The following ZYG11B variants were observed in gnomAD, a reference collection of about 807,000 sequenced individuals.
ZYG11B encodes zyg-11 family member B, cell cycle regulator, also known as protein zyg-11 homolog B.
Under a neutral mutation model 82.4 loss-of-function variants are expected in ZYG11B, and 36 were observed. The ratio of observed to expected loss-of-function variants is 0.44; its 90% CI spans 0.33 to 0.58. The LOEUF (loss-of-function observed/expected upper bound fraction) is 0.58, where lower values mean the gene tolerates loss of function less well. ZYG11B is among the 20% of genes least tolerant of loss of function. ZYG11B has a pLI of 0.02. For synonymous variants in ZYG11B, 303 were observed against 312.8 expected (o/e 0.97, Z 0.33); for missense variants, 552 against 895.6 (o/e 0.62, Z 4.90).
At chr1:52,819,222 C>G (rs1011912609) in intron 13 of ZYG11B, among the ~76,000 whole-genome samples, 1 of 152,162 alleles carries the variant, frequency 6.6e-6, no homozygotes, top group Non-Finnish European at 1.5e-5. Context: ...GAACTCCCAC[C>G]TGGAGGCTTA....
chr1:52,784,586 A>G (rs1429628651), intron 4 of ZYG11B, among the ~76,000 whole-genome samples: 2 of 152,344 alleles, frequency 1.3e-5, no homozygotes, highest in South Asian at 2.1e-4. Context: ...TGCCTTCCAT[A>G]TAACAGGCAC....
At chr1:52,810,302 C>T (rs756625405) in intron 10 of ZYG11B, among the ~76,000 whole-genome samples, 20 of 152,180 alleles carry the variant, frequency 1.3e-4, no homozygotes, top group Non-Finnish European at 2.6e-4. Flanking sequence ...TTTTCTCTAA[C>T]TCTTTAGATG....
At chr1:52,817,773 A>ATGTATG (rs1553264308) in intron 13 of ZYG11B, among the ~76,000 whole-genome samples, 1 of 37,740 alleles carries the variant, frequency 2.6e-5, no homozygotes, top group African/African-American at 9.5e-5. Flanking sequence ...GTGTATATAT[A>ATGTATG]TGTGTATATA....
At chr1:52,801,714 C>A in intron 8 of ZYG11B, 105 bp from the exon 9 acceptor site, 1 of 924,198 alleles carries the variant, frequency 1.1e-6, no homozygotes, top group Non-Finnish European at 1.6e-6. Flanking sequence ...ACAGGAAATG[C>A]TTTAAGCCAT....
Position 52,799,886 on chromosome 1 carries a change from A to G in ZYG11B, c.1486-1933A>G, listed in dbSNP as rs577447024. On this transcript the variant is annotated intron_variant, in intron 8 of 13. Coordinates refer to ENST00000294353, the MANE Select transcript of ZYG11B (RefSeq NM_024646.3). ...AAAGGGTAGGAATTCTGGAGTTGAC[A>G]TATCTGGATTTATTTTCAGTTATGT... Among the ~76,000 whole-genome samples the G allele has an allele frequency of 2.6e-5, 4 of 152,292 alleles. No individual in the cohort carries two copies. The East Asian group carries it at 5.8e-4, about 22-fold the overall frequency.
rs1365622597 is a variant in ZYG11B at position 52,771,451 on chromosome 1, C to G, written c.628C>G (p.Arg210Gly). The change falls in exon 3 of 14, where the codon CGA becomes GGA. Residue 210 changes from arginine to glycine, a missense_variant. By Grantham distance (125) the Arg-to-Gly change is moderately radical (BLOSUM62 -2). This residue lies in a region of ZYG11B where 359 missense variants were observed against 555.8 expected (regional missense o/e 0.65). Coordinates refer to ENST00000294353, the MANE Select transcript of ZYG11B (RefSeq NM_024646.3). This position sits in a 1 kb window ranked among gnomAD's most constrained non-coding sequence, Gnocchi z 5.4. ...DITALLACKD[R>G]LKSLTMHHLK... Reference sequence around the variant, plus strand: ...CACTGCTCTACTGGCCTGCAAAGACCGACTCAAGTCTCTAACCATGCACCA... The same window carrying G: ...CACTGCTCTACTGGCCTGCAAAGACGGACTCAAGTCTCTAACCATGCACCA... 1.9e-6 allele frequency: 3 copies of G among 1,613,578 alleles called. No individual in the cohort carries two copies. The highest frequency in any genetic ancestry group is 3.3e-5 in the Admixed American group (2 of 60,016).
chr1:52,779,812 AAGAG>A (rs771032029), intron 3 of ZYG11B, 37 bp from the exon 4 acceptor site: 6 of 1,609,308 alleles, frequency 3.7e-6, no homozygotes, highest in Admixed American at 1.7e-5. Flanking sequence ...TAGATAGAGA[AAGAG>A]AGAGAATTCT....
rs975868352 is a variant in ZYG11B, at chr1:52,824,096, C to T, written c.*2467C>T. On this transcript the variant is annotated 3_prime_UTR_variant, in exon 14 of 14. Coordinates refer to ENST00000294353, the MANE Select transcript of ZYG11B (RefSeq NM_024646.3). ...AGGTTGCAGTGAGCTAAGATCGTGC[C>T]ACTGCACTCCAGCCTGGACAACGGA... is the stretch of plus-strand genomic sequence containing the variant. 6.6e-6 allele frequency: 1 copy of T among 152,084 alleles called. No homozygotes were observed. Among genetic ancestry groups the T allele is most frequent in the Non-Finnish European group, 1.5e-5 (1 of 68,064 alleles). The allele number at this position is 152,084 out of a possible 1,614,324, so 9.4% of individuals were successfully genotyped here.
chr1:52,789,826 C>T (rs1036591184), intron 5 of ZYG11B, among the ~76,000 whole-genome samples, 177 bp from the exon 6 acceptor site: 1 of 151,598 alleles, frequency 6.6e-6, no homozygotes, highest in African/African-American at 2.4e-5. Flanking sequence ...TACAAGTAAA[C>T]TTGTATGGGT....
intron 13 of ZYG11B, among the ~76,000 whole-genome samples, chr1:52,817,800 TATATATATATATATA>T (rs1255126764): frequency 9.6e-5 from 5 of 52,270 alleles, no homozygotes; most frequent in Admixed American, 2.0e-4. Flanking sequence ...TATATATATA[TATATATATATATATA>T]TTTTTTTTTT....
chr1:52,727,570 C>T (rs1644296497), intron 1 of ZYG11B, among the ~76,000 whole-genome samples: 1 of 152,116 alleles, frequency 6.6e-6, no homozygotes. Flanking sequence ...TATTTACAAG[C>T]TTGGCTATTA....
chr1:52,736,636 A>G (rs1006852122), intron 1 of ZYG11B, among the ~76,000 whole-genome samples: 2 of 152,060 alleles, frequency 1.3e-5, no homozygotes, highest in Admixed American at 1.3e-4. Flanking sequence ...TATTTTTAGT[A>G]GAGATGAGGT....
At position 52,824,614 on chromosome 1, in the gene ZYG11B, G is replaced by C. The variant is rs935997299; in HGVS notation, c.*2985G>C. 1 of 151,602 alleles carries C rather than the reference G, an allele frequency of 6.6e-6. No homozygotes were observed. Among genetic ancestry groups the C allele is most frequent in the Non-Finnish European group, 1.5e-5 (1 of 67,988 alleles). 9.4% of individuals were successfully genotyped at this position (151,602 alleles called of 1,614,324 possible). On this transcript the variant is annotated 3_prime_UTR_variant, in exon 14 of 14. Coordinates refer to ENST00000294353, the MANE Select transcript of ZYG11B (RefSeq NM_024646.3). ...ATATCATGCCACTGCACTCCAGCCTGGGTGACAGAGTAAGACTCCGTCTCA... is the reference window on the plus strand; with the variant it reads ...ATATCATGCCACTGCACTCCAGCCTCGGTGACAGAGTAAGACTCCGTCTCA...
At chr1:52,817,775 GTGTATATATATATATATATA>G (rs1253767399) in intron 13 of ZYG11B, among the ~76,000 whole-genome samples, 600 of 32,556 alleles carry the variant, frequency 0.018, 37 homozygotes, top group African/African-American at 0.046. Context: ...GTATATATAT[GTGTATATATATATATATATA>G]TATATATATA....
Position 52,726,524 on chromosome 1 carries a change from A to T in ZYG11B, c.-130A>T. ...CTGCTACTGCTACGCTCCTAGCTTG[A>T]GGGAAAGAGGCCGAGGCCTGGGCCA... On this transcript the variant is annotated 5_prime_UTR_variant, in exon 1 of 14. Coordinates refer to ENST00000294353, the MANE Select transcript of ZYG11B (RefSeq NM_024646.3). 1 of 855,222 alleles carries T rather than the reference A, an allele frequency of 1.2e-6. No individual in the cohort carries two copies. The highest frequency in any genetic ancestry group is 1.6e-6 in the Non-Finnish European group (1 of 627,772). The allele number at this position is 855,222 out of a possible 1,614,324, so 53.0% of individuals were successfully genotyped here.
intron 13 of ZYG11B, among the ~76,000 whole-genome samples, chr1:52,817,897 G>GTGCGA (rs1558145406): frequency 8.0e-6 from 1 of 124,602 alleles, no homozygotes; most frequent in African/African-American, 3.1e-5. Context: ...GAGTGCAGTG[G>GTGCGA]TGCGATCTCG....
intron 8 of ZYG11B, among the ~76,000 whole-genome samples, chr1:52,799,790 G>C (rs754206103): frequency 5.9e-5 from 9 of 151,572 alleles, no homozygotes; most frequent in African/African-American, 1.9e-4. Context: ...GTGAGACTCC[G>C]TCTCAAAAAA....
chr1:52,789,073 C>T (rs1305176811), intron 5 of ZYG11B, among the ~76,000 whole-genome samples: 3 of 152,174 alleles, frequency 2.0e-5, no homozygotes, highest in Non-Finnish European at 4.4e-5. Context: ...GAGAAACCCT[C>T]TTAATTAATT....
rs369759623 is a variant in ZYG11B at position 52,738,929 on chromosome 1, C to T, written c.30+12246C>T. 1.1e-4 allele frequency among the ~76,000 whole-genome samples: 16 copies of T among 146,618 alleles called. No individual in the cohort carries two copies. The East Asian group carries it at 2.1e-3, about 19-fold the overall frequency. On this transcript the variant is annotated intron_variant, in intron 1 of 13. Transcript: ENST00000294353. ...CCGGCCAGGACTTTTTTTTTTAAAG[C>T]TGGAATATTCTTGGTTATATAACAT...
Sources: gnomAD v4.1 joint callset for allele counts (sites outside exome capture counted in the v4.1 genomes callset) on GRCh38, gnomAD v4.1.1 for gene constraint, gnomAD v4.1.1 regional missense constraint, Gnocchi (gnomAD v3.1) non-coding constraint, MANE v1.5 for transcripts, NCBI Gene and HGNC (gene_info 2026-07-23, HGNC 2026-07-21) for gene names.